The following FAM174C variants were observed in gnomAD, a reference collection of about 807,000 sequenced individuals.
FAM174C encodes family with sequence similarity 174 member C.
Under a neutral mutation model 12.3 loss-of-function variants are expected in FAM174C, and 19 were observed. The observed-to-expected ratio is 1.55, with a 90% CI of 1.08 to 2.27. FAM174C has a LOEUF of 2.27. FAM174C is among the 30% of genes most tolerant of loss of function. FAM174C has a pLI of 0.00. For missense variants in FAM174C, 239 were observed against 190.2 expected (o/e 1.26, Z -1.51); for synonymous variants, 147 against 103.5 (o/e 1.42, Z -2.55).
chr19:1,278,306 C>G (rs917981583), intron 2 of FAM174C, among the ~76,000 whole-genome samples: 1 of 77,292 alleles, frequency 1.3e-5, no homozygotes, highest in Non-Finnish European at 2.6e-5. Context: ...AGATGCCGGG[C>G]GGGACTGGGG....
intron 1 of FAM174C, chr19:1,276,935 C>T: frequency 2.6e-6 from 1 of 388,838 alleles, no homozygotes; most frequent in East Asian, 4.5e-5. Flanking sequence ...CAGCGTGCCT[C>T]TCCTGGGGTC....
chr19:1,277,008 G>A (rs2081418508), intron 1 of FAM174C, 175 bp from the exon 2 acceptor site: 2 of 1,005,642 alleles, frequency 2.0e-6, no homozygotes, highest in Non-Finnish European at 2.8e-6. Context: ...ATCGCCATGG[G>A]AGTGAATGGT....
Position 1,277,256 on chromosome 19 carries a change from G to A in FAM174C, c.355G>A (p.Asp119Asn), listed in dbSNP as rs1246560473. ...TEDPTEMASL[D>N]SDEETVFESR... ...GGACCCCACGGAGATGGCCTCGCTG[G>A]ACAGCGACGAGGAGACGGTGTTTGA... Residue 119 changes from aspartate to asparagine, a missense_variant, in exon 2 of 3, where the codon GAC becomes AAC. Physicochemically the swap from Asp to Asn is conservative, Grantham distance 23. Transcript: ENST00000409293. 6.5e-7 allele frequency: 1 copy of A among 1,549,424 alleles called. No homozygotes were observed. The highest frequency in any genetic ancestry group is 8.7e-7 in the Non-Finnish European group (1 of 1,145,696).
At chr19:1,278,754 C>T (rs2081426667) in intron 2 of FAM174C, 23 bp from the exon 3 acceptor site, 10 of 1,611,728 alleles carry the variant, frequency 6.2e-6, no homozygotes, top group Non-Finnish European at 7.6e-6. Context: ...CCTTCCCTCT[C>T]ACCCTTGACC....
chr19:1,275,677 C>T lies in FAM174C; in HGVS notation c.128C>T (p.Pro43Leu), dbSNP rs1261794699. The change falls in exon 1 of 3, where the codon CCG (proline) becomes CTG (leucine). Residue 43 changes from proline (P) to leucine (L), a missense_variant. Physicochemically the swap from Pro to Leu is moderately conservative, Grantham distance 98 (BLOSUM62 -3). Coordinates refer to ENST00000409293, the MANE Select transcript of FAM174C (RefSeq NM_017914.4). The stretch of plus-strand genomic sequence containing the variant: ...GCGCAGGTCACGTTGTCGCCGCCGC[C>T]GGCCGTGACGAACGGGAGCCAGCCG... ...RPAQVTLSPP[P>L]AVTNGSQPGA... 1.4e-6 allele frequency: 2 copies of T among 1,452,646 alleles called. No homozygotes were observed. Among genetic ancestry groups the T allele is most frequent in the East Asian group, 2.9e-5 (1 of 34,626 alleles). The allele number at this position is 1,452,646 out of a possible 1,614,324, so 90.0% of individuals were successfully genotyped here.
Position 1,275,567 on chromosome 19 carries a change from G to A in FAM174C, c.18G>A (p.Leu6=), listed in dbSNP as rs1446763809. 5.7e-6 allele frequency: 7 copies of A among 1,221,338 alleles called. No homozygotes were observed. In the Admixed American group the frequency reaches 2.2e-4, roughly 38 times the overall value. 75.7% of individuals were successfully genotyped at this position (1,221,338 alleles called of 1,614,324 possible). The stretch of plus-strand genomic sequence containing the variant: ...GCCGGGCCATGGGGCCGCGCGTGCT[G>A]CAGCCGCCGCTGCTGCTGCTCCTGC... MGPRV[L]QPPLLLLLLA... is the part of the protein sequence containing the mutation. Residue 6 remains leucine (L), a synonymous_variant, in exon 1 of 3, where the codon CTG becomes CTA. Transcript: ENST00000409293.
intron 2 of FAM174C, among the ~76,000 whole-genome samples, chr19:1,278,173 G>A (rs923929645): frequency 2.0e-5 from 3 of 152,402 alleles, no homozygotes; most frequent in Admixed American, 2.0e-4. Context: ...GTCAGGTGGA[G>A]AACTGACTGC....
intron 2 of FAM174C, among the ~76,000 whole-genome samples, chr19:1,278,417 C>G (rs1047072474): frequency 1.5e-4 from 23 of 151,900 alleles, no homozygotes; most frequent in Non-Finnish European, 2.6e-4. Flanking sequence ...GGACCTTGGC[C>G]TGTTGGGGGG....
rs2081410163 is a variant in FAM174C, at chr19:1,275,774, C to T, written c.225C>T (p.Tyr75=). The change falls in exon 1 of 3, where the codon TAC becomes TAT. Residue 75 remains tyrosine, a synonymous_variant. Coordinates refer to ENST00000409293, the MANE Select transcript of FAM174C (RefSeq NM_017914.4). ...ASGSALTRSF[Y]VILGFCGLTA... ...GCTCGGCGCTGACGCGCTCCTTCTACGTGATCCTGGGCTTCTGCGGCCTGA... is the reference window on the plus strand; with the variant it reads ...GCTCGGCGCTGACGCGCTCCTTCTATGTGATCCTGGGCTTCTGCGGCCTGA... 4 of 1,539,800 alleles carry T rather than the reference C, an allele frequency of 2.6e-6. No individual in the cohort carries two copies. Among genetic ancestry groups the T allele is most frequent in the South Asian group, 2.4e-5 (2 of 84,054 alleles).
At chr19:1,275,928 C>A (rs1312737206) in intron 1 of FAM174C, 98 bp downstream of exon 1, 4 of 958,184 alleles carry the variant, frequency 4.2e-6, no homozygotes, top group Non-Finnish European at 6.2e-6. Flanking sequence ...CCCTCCCTCC[C>A]TCCCTCCCTC....
At position 1,277,239 on chromosome 19, in the gene FAM174C, C is replaced by A; in HGVS notation, c.338C>A (p.Thr113Lys). The part of the protein sequence containing the change: ...YGLLANTEDP[T>K]EMASLDSDEE... ...CTCCTCGCCAACACTGAGGACCCCA[C>A]GGAGATGGCCTCGCTGGACAGCGAC... The change falls in exon 2 of 3, where the codon ACG becomes AAG. Residue 113 changes from threonine to lysine, a missense_variant. Coordinates refer to ENST00000409293, the MANE Select transcript of FAM174C (RefSeq NM_017914.4). The A allele has an allele frequency of 6.5e-7, 1 of 1,549,762 alleles. No individual in the cohort carries two copies. The highest frequency in any genetic ancestry group is 8.7e-7 in the Non-Finnish European group (1 of 1,146,004).
At chr19:1,277,049 C>G in intron 1 of FAM174C, 134 bp from the exon 2 acceptor site, 1 of 1,323,648 alleles carries the variant, frequency 7.6e-7, no homozygotes, top group Non-Finnish European at 1.0e-6. Context: ...ATGAAAGAAG[C>G]AGGCACAGCA....
rs1192777226 is a variant in FAM174C, at chr19:1,275,801, C to T, written c.252C>T (p.Thr84=). ...FYVILGFCGL[T]ALYFLIRAFR... ...TGATCCTGGGCTTCTGCGGCCTGACCGCGCTCTACTTCCTGATCCGGGCGT... is the reference window on the plus strand; with the variant it reads ...TGATCCTGGGCTTCTGCGGCCTGACTGCGCTCTACTTCCTGATCCGGGCGT... Residue 84 remains threonine, a synonymous_variant, in exon 1 of 3, where the codon ACC becomes ACT. Transcript: ENST00000409293. The T allele has an allele frequency of 5.9e-6, 9 of 1,538,190 alleles. No homozygotes were observed. Among genetic ancestry groups the T allele is most frequent in the Middle Eastern group, 1.7e-4 (1 of 5,898 alleles).
At chr19:1,277,469 T>G (rs1272006669) in intron 2 of FAM174C, among the ~76,000 whole-genome samples, 170 bp downstream of exon 2, 2 of 152,222 alleles carry the variant, frequency 1.3e-5, no homozygotes, top group Non-Finnish European at 2.9e-5. Context: ...CCAGCCTCCA[T>G]TTACAACTTT....
chr19:1,275,595 G>A lies in FAM174C; in HGVS notation c.46G>A (p.Ala16Thr), dbSNP rs1600040304. 4.0e-6 allele frequency: 5 copies of A among 1,246,030 alleles called. No homozygotes were observed. The highest frequency in any genetic ancestry group is 3.1e-4 in the Middle Eastern group (1 of 3,214). The allele number at this position is 1,246,030 out of a possible 1,614,324, so 77.2% of individuals were successfully genotyped here. ...GCCGCCGCTGCTGCTGCTCCTGCTG[G>A]CGCTGCTGCTGGCGGCGCTGCCGTG... ...LQPPLLLLLL[A>T]LLLAALPCGA... The change falls in exon 1 of 3, where the codon GCG becomes ACG. Residue 16 changes from alanine (A) to threonine (T), a missense_variant. Physicochemically the swap from Ala to Thr is moderately conservative, Grantham distance 58 (BLOSUM62 0). Coordinates refer to ENST00000409293, the MANE Select transcript of FAM174C (RefSeq NM_017914.4).
intron 1 of FAM174C, 193 bp downstream of exon 1, chr19:1,276,023 C>T: frequency 1.7e-6 from 1 of 573,032 alleles, no homozygotes; most frequent in Non-Finnish European, 3.0e-6. Context: ...CGGGACTCAC[C>T]CGCTCTCCAG....
rs1206376793 is a variant in FAM174C, at chr19:1,275,541, C to T, written c.-9C>T. 4.1e-6 allele frequency: 5 copies of T among 1,206,374 alleles called. No homozygotes were observed. In the African/African-American group the frequency reaches 4.7e-5, roughly 11 times the overall value. The allele number at this position is 1,206,374 out of a possible 1,614,324, so 74.7% of individuals were successfully genotyped here. ...AGGGGCGGGGCGCCGCCACCGCTTC[C>T]GCCGGGCCATGGGGCCGCGCGTGCT... On this transcript the variant is annotated 5_prime_UTR_variant, in exon 1 of 3. Coordinates refer to ENST00000409293, the MANE Select transcript of FAM174C (RefSeq NM_017914.4).
chr19:1,275,871 C>G, intron 1 of FAM174C, 41 bp downstream of exon 1: 1 of 1,518,488 alleles, frequency 6.6e-7, no homozygotes, highest in Non-Finnish European at 8.8e-7. Context: ...CAGCCTTGGC[C>G]AATTAGCGCG....
At chr19:1,276,024 C>G in intron 1 of FAM174C, 194 bp downstream of exon 1, 1 of 568,580 alleles carries the variant, frequency 1.8e-6, no homozygotes. Flanking sequence ...GGGACTCACC[C>G]GCTCTCCAGC....
Sources: allele counts gnomAD v4.1 joint callset (sites outside exome capture counted in the v4.1 genomes callset), GRCh38; gene constraint gnomAD v4.1.1; transcripts MANE v1.5; gene names NCBI Gene and HGNC (gene_info 2026-07-23, HGNC 2026-07-21).